The following BEND7 variants were observed in gnomAD, a reference collection of about 807,000 sequenced individuals.
The protein encoded by BEND7 is BEN domain containing 7.
A neutral mutation model predicts 50.9 loss-of-function variants in BEND7; 28 were observed. The ratio of observed to expected loss-of-function variants is 0.55; its 90% CI spans 0.41 to 0.75. The LOEUF is 0.75. BEND7 is among the 30% of genes least tolerant of loss of function. BEND7 has a pLI of 0.00. For missense variants in BEND7, 477 were observed against 491.3 expected (o/e 0.97, Z 0.28); for synonymous variants, 170 against 183.9 (o/e 0.92, Z 0.61).
intron 1 of BEND7, 94 bp downstream of exon 1, chr10:13,528,379 G>T: frequency 4.0e-6 from 2 of 500,030 alleles, no homozygotes; most frequent in Non-Finnish European, 5.2e-6. Context: ...AGGACCGGGG[G>T]CTCCGGGAGG....
chr10:13,445,319 C>T (rs1043613021), intron 8 of BEND7: 2 of 152,148 alleles, frequency 1.3e-5, no homozygotes, highest in Admixed American at 6.6e-5. Context: ...GGCCGACTGA[C>T]GACGAACATT....
chr10:13,474,493 C>T (rs902791410), intron 6 of BEND7, among the ~76,000 whole-genome samples: 12 of 151,770 alleles, frequency 7.9e-5, no homozygotes, highest in African/African-American at 2.2e-4. Flanking sequence ...CACTCGGGGC[C>T]GATACCCGTC....
chr10:13,467,238 C>T (rs1490181814), intron 6 of BEND7, among the ~76,000 whole-genome samples: 1 of 152,190 alleles, frequency 6.6e-6, no homozygotes, highest in Non-Finnish European at 1.5e-5. Flanking sequence ...GATCCTCACT[C>T]TTTCAGGCAC....
At chr10:13,456,455 C>G (rs565164826) in intron 6 of BEND7, among the ~76,000 whole-genome samples, 1 of 152,050 alleles carries the variant, frequency 6.6e-6, no homozygotes, top group Non-Finnish European at 1.5e-5. Flanking sequence ...GACTGGGGAG[C>G]GAGAGGAAGA....
At chr10:13,446,214 A>G (rs1488883813) in intron 8 of BEND7, 3 of 152,236 alleles carry the variant, frequency 2.0e-5, no homozygotes, top group Non-Finnish European at 4.4e-5. Context: ...ACTCAGTGGC[A>G]GAGAAAGCAA....
intron 6 of BEND7, among the ~76,000 whole-genome samples, chr10:13,472,118 T>C (rs141017167): frequency 0.023 from 3,452 of 147,336 alleles, 63 homozygotes; most frequent in Non-Finnish European, 0.036. Context: ...CTGTTAGACT[T>C]GGGGTTGATA....
At chr10:13,465,566 A>G (rs566056240) in intron 6 of BEND7, among the ~76,000 whole-genome samples, 16 of 152,298 alleles carry the variant, frequency 1.1e-4, no homozygotes, top group African/African-American at 3.6e-4. Flanking sequence ...CATAAAACTG[A>G]TTCCAAGCCA....
chr10:13,444,993 T>TA (rs1179055354), intron 8 of BEND7: 1 of 151,472 alleles, frequency 6.6e-6, no homozygotes, highest in Non-Finnish European at 1.5e-5. Context: ...TTTTTATATA[T>TA]TTTTTAGTAG....
intron 6 of BEND7, among the ~76,000 whole-genome samples, chr10:13,474,370 C>T (rs181020828): frequency 3.3e-5 from 5 of 150,686 alleles, no homozygotes; most frequent in Non-Finnish European, 7.4e-5. Context: ...GATTTGGGGT[C>T]GATATTCCTC....
intron 7 of BEND7, among the ~76,000 whole-genome samples, chr10:13,450,634 G>A (rs943825917): frequency 2.0e-5 from 3 of 152,144 alleles, no homozygotes; most frequent in Non-Finnish European, 2.9e-5. Flanking sequence ...TGCTAGGAAC[G>A]CAGAAGAGAA....
intron 7 of BEND7, among the ~76,000 whole-genome samples, chr10:13,451,754 T>TCCCCCCCCCCCCC (rs141575572): frequency 1.8e-5 from 2 of 113,060 alleles, no homozygotes; most frequent in Non-Finnish European, 3.5e-5. Context: ...ATGCTATCCC[T>TCCCCCCCCCCCCC]CCCCCTCCCC....
chr10:13,497,094 C>T (rs1254371039), intron 3 of BEND7, among the ~76,000 whole-genome samples: 1 of 152,224 alleles, frequency 6.6e-6, no homozygotes, highest in Non-Finnish European at 1.5e-5. Context: ...ATCCAGGCTT[C>T]CATACTGTAA....
intron 1 of BEND7, among the ~76,000 whole-genome samples, 184 bp downstream of exon 1, chr10:13,528,289 C>G (rs1056455029): frequency 1.3e-5 from 2 of 151,878 alleles, no homozygotes; most frequent in African/African-American, 2.4e-5. Flanking sequence ...CCTGCTCCCC[C>G]CGCACAACTT....
intron 6 of BEND7, among the ~76,000 whole-genome samples, chr10:13,457,022 G>A (rs1044769881): frequency 2.0e-5 from 3 of 152,236 alleles, no homozygotes; most frequent in South Asian, 2.1e-4. Context: ...CATCCTATTC[G>A]TTTATAGAAA....
rs74537773 is a variant in BEND7 at position 13,470,909 on chromosome 10, G to A, written c.1063+9990C>T. 8.5e-4 allele frequency among the ~76,000 whole-genome samples: 130 copies of A among 152,350 alleles called. No individual in the cohort carries two copies. In the East Asian group the frequency reaches 0.019, roughly 23 times the overall value. ...GGACTTAAGGTCCACCAATGAGCATGAGCCTTAAGCAGTTCTGGAGGCAAA... is the reference window on the plus strand; with the variant it reads ...GGACTTAAGGTCCACCAATGAGCATAAGCCTTAAGCAGTTCTGGAGGCAAA... On this transcript the variant is annotated intron_variant, in intron 6 of 8. Coordinates refer to ENST00000466271, the MANE Select transcript of BEND7 (RefSeq NM_001369863.1).
chr10:13,454,339 G>C (rs1308326383), intron 6 of BEND7, among the ~76,000 whole-genome samples: 1 of 152,148 alleles, frequency 6.6e-6, no homozygotes, highest in Non-Finnish European at 1.5e-5. Context: ...GGCATGGTGG[G>C]TAATGCCTGT....
At chr10:13,501,288 C>A (rs1266590903) in intron 2 of BEND7, among the ~76,000 whole-genome samples, 1 of 150,684 alleles carries the variant, frequency 6.6e-6, no homozygotes, top group African/African-American at 2.5e-5. Context: ...CCAGGAGAAC[C>A]CGGCTCACCC....
At chr10:13,518,357 G>GACA (rs2132616495) in intron 2 of BEND7, among the ~76,000 whole-genome samples, 1 of 152,344 alleles carries the variant, frequency 6.6e-6, no homozygotes, top group Non-Finnish European at 1.5e-5. Flanking sequence ...CAACTTCGGT[G>GACA]GCTGTGTGCA....
intron 2 of BEND7, among the ~76,000 whole-genome samples, chr10:13,512,846 A>C (rs568200164): frequency 6.6e-6 from 1 of 152,340 alleles, no homozygotes; most frequent in Admixed American, 6.5e-5. Context: ...AAGGATCTCA[A>C]GGGATTTGGA....
Sources: gnomAD v4.1 joint callset for allele counts (sites outside exome capture counted in the v4.1 genomes callset) on GRCh38, gnomAD v4.1.1 for gene constraint, MANE v1.5 for transcripts, NCBI Gene and HGNC (gene_info 2026-07-23, HGNC 2026-07-21) for gene names.